Variants in CACNG4 observed in about 807,000 individuals in gnomAD.
CACNG4 encodes calcium voltage-gated channel auxiliary subunit gamma 4, also known as voltage-dependent calcium channel gamma-4 subunit.
CACNG4 carries 8 observed loss-of-function variants against 22.9 expected under a neutral mutation model. The observed-to-expected ratio is 0.35, with a 90% CI of 0.21 to 0.63. The LOEUF (loss-of-function observed/expected upper bound fraction) is 0.63. Ranked by LOEUF, CACNG4 falls within the 30% of genes least tolerant of loss-of-function variation. The pLI, the probability that CACNG4 is intolerant of heterozygous loss-of-function variation, is 0.72. For synonymous variants in CACNG4, 188 were observed against 191.9 expected, an observed-to-expected ratio of 0.98 and a Z score of 0.17; for missense variants, 357 against 455.4, an observed-to-expected ratio of 0.78 and a Z score of 1.97.
intron 1 of CACNG4, among the ~76,000 whole-genome samples, chr17:67,016,171 C>T (rs756693432): frequency 2.0e-5 from 3 of 152,170 alleles, no homozygotes; most frequent in African/African-American, 4.8e-5. Flanking sequence ...TCAAGTATGA[C>T]GTGGTGTAAT....
rs1204377096 is a variant in CACNG4, at chr17:67,030,453, G to A, written c.446-13G>A. 2.8e-5 allele frequency: 45 copies of A among 1,610,504 alleles called. No homozygotes were observed. The highest frequency in any genetic ancestry group is 3.1e-5 in the Non-Finnish European group (37 of 1,177,418). Reference sequence around the variant, plus strand: ...TCCCTGGCCCCGCTCCCCGCTCCCCGCTTCCCTTTCAGGCCTCAGTAACAT... The same window carrying A: ...TCCCTGGCCCCGCTCCCCGCTCCCCACTTCCCTTTCAGGCCTCAGTAACAT... On this transcript the variant is annotated splice_polypyrimidine_tract_variant and intron_variant, in intron 3 of 3. Coordinates refer to ENST00000262138, the MANE Select transcript of CACNG4 (RefSeq NM_014405.4). This position sits in a 1 kb window ranked among gnomAD's most constrained non-coding sequence, Gnocchi z 6.4.
intron 1 of CACNG4, among the ~76,000 whole-genome samples, chr17:66,975,773 G>A (rs147577020): frequency 6.6e-5 from 10 of 152,196 alleles, no homozygotes; most frequent in Admixed American, 2.0e-4. Flanking sequence ...GAGGCAGGGC[G>A]TTCTGAATGG....
rs559569545 is a variant in CACNG4 at position 67,012,075 on chromosome 17, T to C, written c.221-6114T>C. Among the ~76,000 whole-genome samples, 3 of 152,312 alleles carry C rather than the reference T, an allele frequency of 2.0e-5. No homozygotes were observed. The East Asian group carries it at 5.8e-4, about 29-fold the overall frequency. The stretch of plus-strand genomic sequence containing the variant: ...CTCACCTCCTGTAGAGCCCCAGCCC[T>C]GCTTCTATAGAGGATTCTTGGAAAG... On this transcript the variant is annotated intron_variant, in intron 1 of 3. Transcript: ENST00000262138.
chr17:66,986,754 C>T (rs1167594148), intron 1 of CACNG4, among the ~76,000 whole-genome samples: 33 of 152,342 alleles, frequency 2.2e-4, no homozygotes, highest in Non-Finnish European at 5.9e-5. Context: ...GCATCACCTT[C>T]GTCTCCGCCT....
At chr17:67,028,729 G>A (rs1005068847) in intron 3 of CACNG4, among the ~76,000 whole-genome samples, 5 of 152,176 alleles carry the variant, frequency 3.3e-5, no homozygotes, top group Admixed American at 6.5e-5. Flanking sequence ...TGAGACTGAC[G>A]CATAAGGAGT....
intron 1 of CACNG4, among the ~76,000 whole-genome samples, chr17:67,011,534 A>C (rs1457903158): frequency 1.3e-5 from 2 of 152,136 alleles, no homozygotes; most frequent in African/African-American, 2.4e-5. Flanking sequence ...CACCAGAATG[A>C]GAGCTCCGTG....
chr17:67,021,157 T>C (rs1298474601), intron 2 of CACNG4, among the ~76,000 whole-genome samples: 1 of 151,558 alleles, frequency 6.6e-6, no homozygotes, highest in African/African-American at 2.4e-5. Context: ...GCCACGATCG[T>C]GCCACTGCAC....
At chr17:66,967,347 G>A (rs117424134) in intron 1 of CACNG4, among the ~76,000 whole-genome samples, 4,958 of 152,266 alleles carry the variant, frequency 0.033, 155 homozygotes, top group Admixed American at 0.084. Context: ...CATCCTTGTG[G>A]GACCCAGGGC....
chr17:66,965,513 T>G (rs1405757479), intron 1 of CACNG4, among the ~76,000 whole-genome samples: 6 of 53,970 alleles, frequency 1.1e-4, no homozygotes, highest in South Asian at 7.8e-4. Flanking sequence ...CCGGGGGAGG[T>G]GGAGGCTGGC....
chr17:67,008,035 T>TAGCC, intron 1 of CACNG4, among the ~76,000 whole-genome samples: 1 of 152,266 alleles, frequency 6.6e-6, no homozygotes, highest in East Asian at 1.9e-4. Flanking sequence ...AAATACAGTG[T>TAGCC]AGCCGTGTGC....
intron 1 of CACNG4, among the ~76,000 whole-genome samples, chr17:66,997,889 T>C (rs1438082064): frequency 6.6e-6 from 1 of 151,042 alleles, no homozygotes; most frequent in African/African-American, 2.4e-5. Context: ...AGAATGGAAA[T>C]TGAGGACAGA....
chr17:67,023,312 G>A (rs1395381048), intron 2 of CACNG4, among the ~76,000 whole-genome samples: 1 of 114,190 alleles, frequency 8.8e-6, no homozygotes, highest in Non-Finnish European at 1.6e-5. Flanking sequence ...GTCTCGCTCT[G>A]TCACCCAGGC....
At chr17:66,996,759 C>A (rs770776776) in intron 1 of CACNG4, among the ~76,000 whole-genome samples, 1 of 152,148 alleles carries the variant, frequency 6.6e-6, no homozygotes, top group Non-Finnish European at 1.5e-5. Context: ...AGTCTCAGAT[C>A]CAGACCCCTG....
At chr17:66,968,130 G>A (rs2035181585) in intron 1 of CACNG4, among the ~76,000 whole-genome samples, 1 of 152,092 alleles carries the variant, frequency 6.6e-6, no homozygotes, top group Non-Finnish European at 1.5e-5. Flanking sequence ...AGAGGTTCAG[G>A]GACTTGCCCA....
chr17:67,009,198 C>A (rs952910907), intron 1 of CACNG4, among the ~76,000 whole-genome samples: 2 of 152,172 alleles, frequency 1.3e-5, no homozygotes, highest in Non-Finnish European at 2.9e-5. Flanking sequence ...CCCATCAACA[C>A]CTTGATCTTG....
chr17:66,975,029 A>G (rs2035227971), intron 1 of CACNG4, among the ~76,000 whole-genome samples: 1 of 141,746 alleles, frequency 7.1e-6, no homozygotes, highest in Non-Finnish European at 1.5e-5. Flanking sequence ...CACCACATCC[A>G]ACACGGCCTG....
chr17:67,032,051 G>A lies in CACNG4; in HGVS notation c.*1047G>A, dbSNP rs1417775805. ...ATAACTTCCTGCAAATCAACGCCAG[G>A]AGAGCAACTTACCTTCATTTCTTTG... On this transcript the variant is annotated 3_prime_UTR_variant, in exon 4 of 4. Transcript: ENST00000262138. 3 of 444,808 alleles carry A rather than the reference G, an allele frequency of 6.7e-6. No homozygotes were observed. The highest frequency in any genetic ancestry group is 1.3e-5 in the Non-Finnish European group (3 of 222,432). 27.6% of individuals were successfully genotyped at this position (444,808 alleles called of 1,614,324 possible).
chr17:66,995,578 G>A (rs568635863), intron 1 of CACNG4, among the ~76,000 whole-genome samples: 3 of 152,276 alleles, frequency 2.0e-5, no homozygotes, highest in South Asian at 2.1e-4. Flanking sequence ...TAGGCCGGGC[G>A]CAGGGGCTCA....
chr17:67,030,398 C>T lies in CACNG4; in HGVS notation c.446-68C>T, dbSNP rs1286463570. The T allele has an allele frequency of 3.6e-6, 5 of 1,387,826 alleles. No individual in the cohort carries two copies. Among genetic ancestry groups the T allele is most frequent in the South Asian group, 2.5e-5 (2 of 79,374 alleles). 86.0% of individuals were successfully genotyped at this position (1,387,826 alleles called of 1,614,324 possible). ...CACCTGTTCCCTACACTGCCCGTCC[C>T]ACTGTGGGTCTAACCTCTGCCTCTC... On this transcript the variant is annotated intron_variant, in intron 3 of 3. Coordinates refer to ENST00000262138, the MANE Select transcript of CACNG4 (RefSeq NM_014405.4). This position sits in a 1 kb window ranked among gnomAD's most constrained non-coding sequence, Gnocchi z 6.4.
Sources: allele counts gnomAD v4.1 joint callset (sites outside exome capture counted in the v4.1 genomes callset), GRCh38; gene constraint gnomAD v4.1.1; non-coding constraint Gnocchi (gnomAD v3.1); transcripts MANE v1.5; gene names NCBI Gene and HGNC (gene_info 2026-07-23, HGNC 2026-07-21).